RBPJ: variants seen among roughly 807,000 people sequenced by gnomAD.
RBPJ encodes the protein recombining binding protein suppressor of hairless.
In RBPJ, 9 loss-of-function variants were observed where a neutral mutation model predicts 67.8. That is an observed-to-expected ratio of 0.13 (90% CI 0.08 to 0.23). The LOEUF (loss-of-function observed/expected upper bound fraction) is 0.23, where lower values mean the gene tolerates loss of function less well. RBPJ is among the 10% of genes least tolerant of loss of function. RBPJ has a pLI of 1.00. For synonymous variants in RBPJ, 198 were observed against 203.3 expected, an observed-to-expected ratio of 0.97 and a Z score of 0.22; for missense variants, 305 against 595.6, an observed-to-expected ratio of 0.51 and a Z score of 5.08.
intron 1 of RBPJ, among the ~76,000 whole-genome samples, chr4:26,367,316 C>CT (rs1261666143): frequency 2.4e-4 from 36 of 151,930 alleles, no homozygotes; most frequent in African/African-American, 8.7e-4. Flanking sequence ...AACCCCATCT[C>CT]ACTAGAAATC....
At chr4:26,423,648 C>T (rs931999036) in intron 5 of RBPJ, among the ~76,000 whole-genome samples, 3 of 152,200 alleles carry the variant, frequency 2.0e-5, no homozygotes, top group Non-Finnish European at 2.9e-5. Flanking sequence ...TTTTATGTAA[C>T]TGCTTTAACT....
chr4:26,266,638 C>T (rs960312625), intron 1 of RBPJ, among the ~76,000 whole-genome samples: 4 of 151,994 alleles, frequency 2.6e-5, no homozygotes, highest in Admixed American at 1.3e-4. Context: ...GTTTTTATGA[C>T]GTGCTTTAGA....
At chr4:26,318,478 G>A (rs1331077270), upstream of RBPJ, among the ~76,000 whole-genome samples, 1 of 152,086 alleles carries the variant, frequency 6.6e-6, no homozygotes, top group Non-Finnish European at 1.5e-5. Flanking sequence ...ACGGAAAGGT[G>A]ACGGAAAGCA....
At chr4:26,400,100 G>A (rs1257703144) in intron 2 of RBPJ, among the ~76,000 whole-genome samples, 3 of 151,874 alleles carry the variant, frequency 2.0e-5, no homozygotes, top group South Asian at 2.1e-4. Flanking sequence ...GTAATTCTAC[G>A]GTCAAGGATT....
chr4:26,354,040 C>T lies in RBPJ; in HGVS notation c.21-32313C>T, dbSNP rs1375557960. 5.3e-5 allele frequency among the ~76,000 whole-genome samples: 8 copies of T among 152,042 alleles called. 1 individual carries two copies. Among genetic ancestry groups the T allele is most frequent in the Non-Finnish European group, 1.2e-4 (8 of 68,010 alleles). On this transcript the variant is annotated intron_variant, in intron 1 of 10. Coordinates refer to ENST00000355476, the MANE Select transcript of RBPJ (RefSeq NM_015874.6). ...CTGCCTCCCGGGTTCACGCCATTCT[C>T]CTGCCTCAGCCTCCCGAGTAGCTGG...
At chr4:26,427,151 G>T (rs1318185579) in intron 7 of RBPJ, among the ~76,000 whole-genome samples, 1 of 152,148 alleles carries the variant, frequency 6.6e-6, no homozygotes. Flanking sequence ...GTGGTGAGGG[G>T]TGACTGATTT....
At chr4:26,362,720 C>T (rs1728205453) in intron 1 of RBPJ, 3 of 1,007,496 alleles carry the variant, frequency 3.0e-6, no homozygotes, top group Non-Finnish European at 4.6e-6. Context: ...TTAAGATATT[C>T]TGTATTTAGT....
chr4:26,427,356 G>A (rs755886371), intron 7 of RBPJ, among the ~76,000 whole-genome samples: 1 of 152,166 alleles, frequency 6.6e-6, no homozygotes, highest in Admixed American at 6.5e-5. Flanking sequence ...TAAGCTTGAG[G>A]TGCCTGTTAG....
At chr4:26,206,066 A>T (rs907296144) in intron 1 of RBPJ, among the ~76,000 whole-genome samples, 2 of 152,182 alleles carry the variant, frequency 1.3e-5, no homozygotes, top group Non-Finnish European at 2.9e-5. Flanking sequence ...AGTGGATAAT[A>T]TGGTAGTCTA....
At chr4:26,270,501 G>C (rs1015305119) in intron 1 of RBPJ, among the ~76,000 whole-genome samples, 2 of 150,236 alleles carry the variant, frequency 1.3e-5, no homozygotes, top group African/African-American at 4.9e-5. Context: ...AAGGAAGGAA[G>C]GAAGGAAGGA....
At chr4:26,279,467 G>C (rs559743558) in intron 1 of RBPJ, among the ~76,000 whole-genome samples, 86 of 152,102 alleles carry the variant, frequency 5.7e-4, no homozygotes, top group African/African-American at 2.0e-3. Context: ...TTTTAGAGAC[G>C]GGCTTTCATC....
At chr4:26,230,759 C>T (rs1171502325) in intron 1 of RBPJ, among the ~76,000 whole-genome samples, 1 of 151,908 alleles carries the variant, frequency 6.6e-6, no homozygotes, top group East Asian at 1.9e-4. Context: ...TTTCAAATAA[C>T]CATTAGCTTT....
chr4:26,215,337 GAGAA>G (rs1718670121), intron 1 of RBPJ, among the ~76,000 whole-genome samples: 1 of 79,120 alleles, frequency 1.3e-5, no homozygotes, highest in Non-Finnish European at 2.3e-5. Context: ...AAAAGAGAGA[GAGAA>G]AGAAAGAAAA....
upstream of RBPJ, among the ~76,000 whole-genome samples, chr4:26,315,775 G>A (rs989997194): frequency 2.6e-5 from 4 of 151,948 alleles, no homozygotes; most frequent in South Asian, 2.1e-4. Context: ...CAGAGCAGCC[G>A]TTTATAGACC....
rs140827036 is a variant in RBPJ at position 26,427,938 on chromosome 4, G to C, written c.748-782G>C. On this transcript the variant is annotated intron_variant, in intron 7 of 10. Coordinates refer to ENST00000355476, the MANE Select transcript of RBPJ (RefSeq NM_015874.6). The stretch of plus-strand genomic sequence containing the variant: ...AGCCATTACCTTCTAGGTGTCAAGT[G>C]TCATATAGGGTTTGATAGTATTATC... 1.5e-4 allele frequency among the ~76,000 whole-genome samples: 23 copies of C among 152,322 alleles called. No homozygotes were observed. The East Asian group carries it at 4.4e-3, about 29-fold the overall frequency.
intron 1 of RBPJ, among the ~76,000 whole-genome samples, chr4:26,364,151 C>A (rs1043844011): frequency 6.6e-6 from 1 of 152,142 alleles, no homozygotes; most frequent in Non-Finnish European, 1.5e-5. Context: ...AATAGAAATA[C>A]ACTGGTATAG....
At chr4:26,425,793 G>A (rs1480596238) in intron 7 of RBPJ, among the ~76,000 whole-genome samples, 1 of 152,174 alleles carries the variant, frequency 6.6e-6, no homozygotes, top group Non-Finnish European at 1.5e-5. Flanking sequence ...TCAGACTGAA[G>A]AGGTTGGGTG....
the RBPJ span, among the ~76,000 whole-genome samples, chr4:26,135,312 C>G: frequency 1.5e-4 from 23 of 152,128 alleles, no homozygotes; most frequent in Non-Finnish European, 2.4e-4. Context: ...CATCCGTCCC[C>G]TCATTTCACC....
intron 2 of RBPJ, among the ~76,000 whole-genome samples, chr4:26,387,895 A>C (rs965011947): frequency 2.0e-5 from 3 of 152,186 alleles, no homozygotes; most frequent in Non-Finnish European, 4.4e-5. Context: ...TAGTGATATA[A>C]AATTGGGTCC....
Sources: gnomAD v4.1 joint callset for allele counts (sites outside exome capture counted in the v4.1 genomes callset) on GRCh38, gnomAD v4.1.1 for gene constraint, MANE v1.5 for transcripts, NCBI Gene and HGNC (gene_info 2026-07-23, HGNC 2026-07-21) for gene names.